Variants in ZNF385D observed in about 807,000 individuals in gnomAD.
ZNF385D encodes the protein zinc finger protein 659.
A neutral mutation model predicts 35.8 loss-of-function variants in ZNF385D; 15 were observed. The observed-to-expected ratio is 0.42, with a 90% CI of 0.28 to 0.64. The LOEUF (loss-of-function observed/expected upper bound fraction) is 0.64, where lower values mean the gene tolerates loss of function less well. ZNF385D is among the 30% of genes least tolerant of loss of function. The probability of loss-of-function intolerance (pLI) is 0.23; values close to 1 mark genes in which losing one functional copy is unlikely to be tolerated. For missense variants in ZNF385D, 474 were observed against 494.6 expected (o/e 0.96, Z 0.39); for synonymous variants, 212 against 186.8 (o/e 1.13, Z -1.10).
chr3:22,080,909 C>T (rs1039271998), intron 3 of ZNF385D, among the ~76,000 whole-genome samples: 21 of 152,060 alleles, frequency 1.4e-4, no homozygotes, highest in African/African-American at 5.1e-4. Context: ...AGACACTGAC[C>T]CTGCTGCTTC....
chr3:21,796,790 A>G (rs755248880), intron 3 of ZNF385D, among the ~76,000 whole-genome samples: 13 of 152,200 alleles, frequency 8.5e-5, no homozygotes, highest in Non-Finnish European at 1.8e-4. Flanking sequence ...TGCCAGAGCT[A>G]GATTTGAACC....
chr3:21,961,447 GC>G, intron 3 of ZNF385D: 1 of 152,090 alleles, frequency 6.6e-6, no homozygotes, highest in South Asian at 2.1e-4. Context: ...TTAAAAAGAA[GC>G]CAGTTTAATT....
intron 3 of ZNF385D, among the ~76,000 whole-genome samples, chr3:21,811,767 G>A (rs2125709512): frequency 6.6e-6 from 1 of 152,294 alleles, no homozygotes; most frequent in Non-Finnish European, 1.5e-5. Context: ...ATGGAGAAGA[G>A]GAGAACAGCA....
intron 2 of ZNF385D, among the ~76,000 whole-genome samples, chr3:22,258,313 GC>G (rs1176814105): frequency 1.4e-4 from 21 of 151,736 alleles, no homozygotes; most frequent in African/African-American, 3.9e-4. Flanking sequence ...CCACATTTAT[GC>G]AATAGCCAAA....
chr3:21,972,748 C>T (rs1703341976), intron 3 of ZNF385D, among the ~76,000 whole-genome samples: 1 of 151,748 alleles, frequency 6.6e-6, no homozygotes. Flanking sequence ...AGGGACATTA[C>T]AACTAATACC....
intron 2 of ZNF385D, among the ~76,000 whole-genome samples, chr3:22,181,214 C>T (rs1050280646): frequency 6.6e-6 from 1 of 152,076 alleles, no homozygotes; most frequent in African/African-American, 2.4e-5. Context: ...ACTAACGATT[C>T]AGGATATCTT....
At chr3:22,330,573 T>C (rs1294147846) in intron 2 of ZNF385D, among the ~76,000 whole-genome samples, 1 of 152,186 alleles carries the variant, frequency 6.6e-6, no homozygotes, top group South Asian at 2.1e-4. Context: ...CCCCGTCTGC[T>C]GTGATATGAC....
chr3:22,199,643 T>A (rs556534877), intron 2 of ZNF385D, among the ~76,000 whole-genome samples: 1 of 152,224 alleles, frequency 6.6e-6, no homozygotes, highest in South Asian at 2.1e-4. Flanking sequence ...CCTAGAAGAT[T>A]TCTTATCGTT....
At chr3:22,018,410 C>T (rs77969375) in intron 3 of ZNF385D, among the ~76,000 whole-genome samples, 6,022 of 151,784 alleles carry the variant, frequency 0.04, 380 homozygotes, top group African/African-American at 0.14. Flanking sequence ...TGTAACTTTT[C>T]CTGGTAATTT....
At chr3:22,027,828 G>T (rs564149439) in intron 3 of ZNF385D, among the ~76,000 whole-genome samples, 14 of 152,308 alleles carry the variant, frequency 9.2e-5, no homozygotes, top group South Asian at 2.1e-4. Flanking sequence ...ATGGCCTCAT[G>T]GGGGGTTCTC....
chr3:21,848,967 T>C (rs1696197013), intron 3 of ZNF385D, among the ~76,000 whole-genome samples: 2 of 152,108 alleles, frequency 1.3e-5, no homozygotes, highest in South Asian at 4.1e-4. Context: ...TTCTATTAAA[T>C]TTTCATTACT....
intron 2 of ZNF385D, among the ~76,000 whole-genome samples, chr3:22,187,066 C>G (rs1695683253): frequency 6.6e-6 from 1 of 152,124 alleles, no homozygotes; most frequent in African/African-American, 2.4e-5. Context: ...GGCGTAATGA[C>G]ATACCAGATT....
intron 2 of ZNF385D, among the ~76,000 whole-genome samples, chr3:22,170,622 T>G (rs1167587539): frequency 1.3e-5 from 2 of 152,232 alleles, no homozygotes. Flanking sequence ...AATATGCAAT[T>G]TAAATGGTCA....
At chr3:22,006,494 A>G (rs1246464340) in intron 3 of ZNF385D, among the ~76,000 whole-genome samples, 1 of 152,084 alleles carries the variant, frequency 6.6e-6, no homozygotes, top group Non-Finnish European at 1.5e-5. Context: ...ATGATTTGGA[A>G]TAATTATCTC....
At chr3:21,875,052 T>C (rs1252264304) in intron 3 of ZNF385D, among the ~76,000 whole-genome samples, 3 of 152,080 alleles carry the variant, frequency 2.0e-5, no homozygotes, top group Non-Finnish European at 2.9e-5. Flanking sequence ...GGGTTATTCA[T>C]TGTTTAGTGT....
chr3:21,808,478 C>T (rs1230917770), intron 3 of ZNF385D, among the ~76,000 whole-genome samples: 1 of 152,144 alleles, frequency 6.6e-6, no homozygotes, highest in Admixed American at 6.6e-5. Context: ...GAGATGACAC[C>T]CATCCACTTA....
intron 3 of ZNF385D, among the ~76,000 whole-genome samples, chr3:22,030,278 T>TATATATAC (rs1553591298): frequency 1.8e-5 from 2 of 110,472 alleles, no homozygotes; most frequent in Non-Finnish European, 3.7e-5. Context: ...TATATATATA[T>TATATATAC]ATATATATAT....
intron 3 of ZNF385D, among the ~76,000 whole-genome samples, chr3:22,131,135 A>G (rs891633583): frequency 6.6e-6 from 1 of 152,166 alleles, no homozygotes; most frequent in African/African-American, 2.4e-5. Context: ...GGAAAAAACA[A>G]AGAAGAATTC....
intron 3 of ZNF385D, among the ~76,000 whole-genome samples, chr3:21,845,632 T>A (rs1695959336): frequency 6.6e-6 from 1 of 151,994 alleles, no homozygotes; most frequent in Admixed American, 6.6e-5. Flanking sequence ...GTCCTGTAAG[T>A]TCTTTCTGAT....
Sources: gnomAD v4.1 joint callset for allele counts (sites outside exome capture counted in the v4.1 genomes callset) on GRCh38, gnomAD v4.1.1 for gene constraint, MANE v1.5 for transcripts, NCBI Gene and HGNC (gene_info 2026-07-23, HGNC 2026-07-21) for gene names.